CDKAL1: variants seen among roughly 807,000 people sequenced by gnomAD.
The protein encoded by CDKAL1 is threonylcarbamoyladenosine tRNA methylthiotransferase.
Under a neutral mutation model 68.2 loss-of-function variants are expected in CDKAL1, and 32 were observed. The observed-to-expected ratio is 0.47, with a 90% CI of 0.35 to 0.63. The LOEUF is 0.63. CDKAL1 is among the 30% of genes least tolerant of loss of function. CDKAL1 has a pLI of 0.00. For synonymous variants in CDKAL1, 234 were observed against 244.3 expected, an observed-to-expected ratio of 0.96 and a Z score of 0.39; for missense variants, 606 against 696.7, an observed-to-expected ratio of 0.87 and a Z score of 1.47.
chr6:20,666,553 T>A (rs889231391), intron 5 of CDKAL1, among the ~76,000 whole-genome samples: 2 of 152,158 alleles, frequency 1.3e-5, no homozygotes, highest in African/African-American at 4.8e-5. Flanking sequence ...ACAAATCTTA[T>A]GCCGTCTTAG....
chr6:21,138,177 C>G (rs1775711884), intron 13 of CDKAL1, among the ~76,000 whole-genome samples: 1 of 152,034 alleles, frequency 6.6e-6, no homozygotes, highest in South Asian at 2.1e-4. Flanking sequence ...GATGGTTCTT[C>G]CAAATAAATT....
chr6:21,140,798 G>A (rs1775862233), intron 13 of CDKAL1, among the ~76,000 whole-genome samples: 1 of 152,170 alleles, frequency 6.6e-6, no homozygotes, highest in Non-Finnish European at 1.5e-5. Flanking sequence ...TTTTCAGGCT[G>A]CTGATAAAGA....
At chr6:20,736,628 C>A (rs1210512230) in intron 5 of CDKAL1, among the ~76,000 whole-genome samples, 2 of 151,926 alleles carry the variant, frequency 1.3e-5, no homozygotes, top group Admixed American at 6.6e-5. Flanking sequence ...AAAAATTAGC[C>A]GGGCCTGGTG....
At chr6:21,107,238 T>C (rs4326226) in intron 12 of CDKAL1, among the ~76,000 whole-genome samples, 107,317 of 151,912 alleles carry the variant, frequency 0.71, 38,550 homozygotes, top group East Asian at 0.94. Flanking sequence ...TGAGCCACCG[T>C]GCCCGGCCAA....
chr6:20,872,866 A>G (rs1345340575), intron 9 of CDKAL1, among the ~76,000 whole-genome samples: 1 of 152,206 alleles, frequency 6.6e-6, no homozygotes, highest in African/African-American at 2.4e-5. Flanking sequence ...TTTAGAATAC[A>G]GATTTTGAAA....
At chr6:20,597,565 C>T (rs141052661) in intron 4 of CDKAL1, among the ~76,000 whole-genome samples, 1 of 152,114 alleles carries the variant, frequency 6.6e-6, no homozygotes, top group South Asian at 2.1e-4. Flanking sequence ...CAGGTGTGCA[C>T]CACCATGCCC....
At chr6:21,182,483 G>A (rs566317310) in intron 13 of CDKAL1, among the ~76,000 whole-genome samples, 18 of 152,216 alleles carry the variant, frequency 1.2e-4, no homozygotes, top group African/African-American at 4.3e-4. Flanking sequence ...TAAAATTTAA[G>A]GTAACTAGTT....
At chr6:21,198,768 A>AT (rs1253417393) in intron 14 of CDKAL1, among the ~76,000 whole-genome samples, 4 of 152,152 alleles carry the variant, frequency 2.6e-5, no homozygotes, top group Non-Finnish European at 5.9e-5. Flanking sequence ...TTCCCTGGCC[A>AT]TCTAAGTTGG....
At chr6:21,212,009 C>G (rs931107806) in intron 15 of CDKAL1, among the ~76,000 whole-genome samples, 2 of 152,148 alleles carry the variant, frequency 1.3e-5, no homozygotes, top group Non-Finnish European at 2.9e-5. Context: ...AATGCTCCAG[C>G]CTCAGCCTCT....
At chr6:20,714,758 CTAA>C (rs201918376) in intron 5 of CDKAL1, among the ~76,000 whole-genome samples, 1,626 of 152,136 alleles carry the variant, frequency 0.011, 20 homozygotes, top group African/African-American at 0.033. Context: ...TTTAACTTAA[CTAA>C]TATTTTAAAC....
At position 20,592,596 on chromosome 6, in the gene CDKAL1, G is replaced by A. The variant is rs139200256; in HGVS notation, c.286+43891G>A. 6.6e-5 allele frequency among the ~76,000 whole-genome samples: 10 copies of A among 151,762 alleles called. No individual in the cohort carries two copies. In the East Asian group the frequency reaches 1.8e-3, roughly 27 times the overall value. ...CGATTCTCCTGCCTCAGCCTCCCAC[G>A]TGGCTGGGATCACAGGCATGTGCCA... On this transcript the variant is annotated intron_variant, in intron 4 of 15. Coordinates refer to ENST00000274695, the MANE Select transcript of CDKAL1 (RefSeq NM_017774.3).
chr6:20,877,771 C>T (rs544114841), intron 9 of CDKAL1, among the ~76,000 whole-genome samples: 2 of 152,262 alleles, frequency 1.3e-5, no homozygotes, highest in East Asian at 3.9e-4. Context: ...AACCTCTTAT[C>T]CTGTTTTGAC....
chr6:21,013,191 G>T (rs1768115346), intron 11 of CDKAL1, among the ~76,000 whole-genome samples: 1 of 152,074 alleles, frequency 6.6e-6, no homozygotes, highest in East Asian at 1.9e-4. Context: ...GCTATGCTTG[G>T]CTTTTTCAGA....
chr6:20,860,778 C>T (rs571499793), intron 9 of CDKAL1, among the ~76,000 whole-genome samples: 8 of 151,702 alleles, frequency 5.3e-5, no homozygotes, highest in Admixed American at 3.3e-4. Context: ...GAGATGAGAT[C>T]GCACCACTGC....
chr6:21,112,310 G>T lies in CDKAL1; in HGVS notation c.1299+3847G>T, dbSNP rs150385680. ...ACACACATGTTTATAATCTGCTATT[G>T]TGAAAAGTTATTCTAAAAAATTGAA... On this transcript the variant is annotated intron_variant, in intron 13 of 15. Coordinates refer to ENST00000274695, the MANE Select transcript of CDKAL1 (RefSeq NM_017774.3). Among the ~76,000 whole-genome samples, 63 of 152,268 alleles carry T rather than the reference G, an allele frequency of 4.1e-4. 1 individual carries two copies. Among genetic ancestry groups the T allele is most frequent in the African/African-American group, 1.4e-3 (57 of 41,560 alleles).
At chr6:20,865,817 G>T (rs7749397) in intron 9 of CDKAL1, among the ~76,000 whole-genome samples, 1 of 152,136 alleles carries the variant, frequency 6.6e-6, no homozygotes, top group Admixed American at 6.6e-5. Context: ...GATACTTTAG[G>T]TCTCCAGCGT....
intron 4 of CDKAL1, among the ~76,000 whole-genome samples, chr6:20,640,656 T>C (rs1423975017): frequency 6.6e-6 from 1 of 152,204 alleles, no homozygotes. Context: ...CATGTAATAT[T>C]ACTTATTTTA....
chr6:21,160,378 AC>A (rs1028937061), intron 13 of CDKAL1, among the ~76,000 whole-genome samples: 1 of 151,290 alleles, frequency 6.6e-6, no homozygotes, highest in African/African-American at 2.4e-5. Context: ...GCTCACTGCA[AC>A]CTCTGCCTCC....
chr6:20,714,578 C>T (rs1337429728), intron 5 of CDKAL1, among the ~76,000 whole-genome samples: 1 of 151,574 alleles, frequency 6.6e-6, no homozygotes, highest in Non-Finnish European at 1.5e-5. Flanking sequence ...TTTGTAGAGA[C>T]TGGGTCTTCC....
Sources: gnomAD v4.1 joint callset for allele counts (sites outside exome capture counted in the v4.1 genomes callset) on GRCh38, gnomAD v4.1.1 for gene constraint, MANE v1.5 for transcripts, NCBI Gene and HGNC (gene_info 2026-07-23, HGNC 2026-07-21) for gene names.